The following RUNX1 variants were observed in gnomAD, a reference collection of about 807,000 sequenced individuals.
RUNX1 encodes runt-related transcription factor 1.
In RUNX1, 19 loss-of-function variants were observed where a neutral mutation model predicts 42.8. The observed-to-expected ratio is 0.44, with a 90% CI of 0.31 to 0.65. RUNX1 has a LOEUF of 0.65. Ranked by LOEUF, RUNX1 falls within the 30% of genes least tolerant of loss-of-function variation. The pLI, the probability that RUNX1 is intolerant of heterozygous loss-of-function variation, is 0.07. For missense variants in RUNX1, 528 were observed against 672.0 expected (o/e 0.79, Z 2.37); for synonymous variants, 271 against 289.4 (o/e 0.94, Z 0.64).
intron 2 of RUNX1, among the ~76,000 whole-genome samples, chr21:34,967,122 C>A (rs2058724631): frequency 6.6e-6 from 1 of 151,372 alleles, no homozygotes; most frequent in Non-Finnish European, 1.5e-5. Flanking sequence ...AGATCGAGAC[C>A]AGCCTGGCCA....
At chr21:34,981,272 CCTGGGACACACACTTAATTCTG>C (rs2058844477) in intron 2 of RUNX1, among the ~76,000 whole-genome samples, 1 of 152,150 alleles carries the variant, frequency 6.6e-6, no homozygotes, top group African/African-American at 2.4e-5. Flanking sequence ...ACCATGGAAA[CCTGGGACACACACTTAATTCTG>C]CTGGTGACAG....
At chr21:34,800,872 T>C (rs1041313602) in intron 7 of RUNX1, among the ~76,000 whole-genome samples, 2 of 152,202 alleles carry the variant, frequency 1.3e-5, no homozygotes, top group Non-Finnish European at 2.9e-5. Flanking sequence ...CTTGGAATCT[T>C]TGAAATCTAA....
chr21:34,866,157 G>C (rs1050538134), intron 5 of RUNX1, among the ~76,000 whole-genome samples: 1 of 152,204 alleles, frequency 6.6e-6, no homozygotes, highest in Non-Finnish European at 1.5e-5. Flanking sequence ...GTCACGCAAA[G>C]GAAGGCTGCA....
At chr21:34,866,070 T>G (rs1317313747) in intron 5 of RUNX1, among the ~76,000 whole-genome samples, 1 of 152,192 alleles carries the variant, frequency 6.6e-6, no homozygotes, top group Non-Finnish European at 1.5e-5. Context: ...CCTGTCACTC[T>G]CCTTAGTGTA....
intron 2 of RUNX1, among the ~76,000 whole-genome samples, chr21:34,940,086 G>GT (rs949141949): frequency 2.2e-4 from 33 of 152,260 alleles, no homozygotes; most frequent in African/African-American, 7.9e-4. Flanking sequence ...AATCATGTTA[G>GT]TTTTTTCTGG....
chr21:34,863,917 C>T (rs1335267882), intron 5 of RUNX1, among the ~76,000 whole-genome samples: 2 of 152,186 alleles, frequency 1.3e-5, no homozygotes, highest in Admixed American at 1.3e-4. Context: ...TCACAAAGGG[C>T]TCTTGTTTAC....
chr21:35,045,465 C>T (rs566361425), intron 2 of RUNX1, among the ~76,000 whole-genome samples: 13 of 152,206 alleles, frequency 8.5e-5, no homozygotes, highest in South Asian at 4.2e-4. Flanking sequence ...TTTAAAATGA[C>T]GTCATTAGGC....
rs1569108285 is a variant in RUNX1 at position 34,926,487 on chromosome 21, AC to A, written c.59-33525del. Among the ~76,000 whole-genome samples the A allele has an allele frequency of 6.4e-4, 42 of 65,748 alleles. 12 individuals carry two copies. The highest frequency in any genetic ancestry group is 1.0e-3 in the Non-Finnish European group (29 of 28,420). The allele number at this position is 65,748 out of a possible 152,430, so 43.1% of individuals were successfully genotyped here. A position where few individuals can be genotyped will look rare whatever the true frequency, so the allele number is the denominator to read the frequency against. On this transcript the variant is annotated intron_variant, in intron 2 of 8. Coordinates refer to ENST00000675419, the MANE Select transcript of RUNX1 (RefSeq NM_001754.5). Reference sequence around the variant, plus strand: ...AAAAAAAAAAAAAAAAAAAAAAAAGACAGCACATATTTATTATTGACTAAAT... The same window carrying A: ...AAAAAAAAAAAAAAAAAAAAAAAAGAAGCACATATTTATTATTGACTAAAT...
intron 2 of RUNX1, among the ~76,000 whole-genome samples, chr21:34,969,214 C>T (rs766247140): frequency 7.9e-5 from 12 of 152,068 alleles, no homozygotes; most frequent in Admixed American, 3.9e-4. Flanking sequence ...AAACCTGCCA[C>T]GACTTTGGTG....
intron 2 of RUNX1, among the ~76,000 whole-genome samples, chr21:34,912,303 A>G (rs1780212682): frequency 6.6e-6 from 1 of 150,840 alleles, no homozygotes; most frequent in African/African-American, 2.4e-5. Flanking sequence ...TTACTCTTCT[A>G]TCACTGGGTG....
At chr21:34,964,271 TA>T in intron 2 of RUNX1, among the ~76,000 whole-genome samples, 1 of 151,928 alleles carries the variant, frequency 6.6e-6, no homozygotes, top group East Asian at 1.9e-4. Context: ...AGCAGATTAC[TA>T]GGTCAGGAGA....
Position 34,843,679 on chromosome 21 carries a change from G to C in RUNX1, c.614-9078C>G, listed in dbSNP as rs2268280. On this transcript the variant is annotated intron_variant, in intron 6 of 8. Coordinates refer to ENST00000675419, the MANE Select transcript of RUNX1 (RefSeq NM_001754.5). This position sits in a 1 kb window ranked among gnomAD's most constrained non-coding sequence, Gnocchi z 4.8. The stretch of plus-strand genomic sequence containing the variant: ...ACGCACACAGGCCTGCCCCTCCCCA[G>C]CCCCCCTGCACCATGCGCCCAAGAC... 0.21 allele frequency among the ~76,000 whole-genome samples: 30,785 copies of C among 150,098 alleles called. 3,512 individuals are homozygous for C. Among genetic ancestry groups the C allele is most frequent in the East Asian group, 0.46 (2,252 of 4,910 alleles).
intron 2 of RUNX1, among the ~76,000 whole-genome samples, chr21:35,023,728 G>A (rs575899659): frequency 6.6e-6 from 1 of 152,248 alleles, no homozygotes; most frequent in South Asian, 2.1e-4. Context: ...TGAAAGGGGG[G>A]CACAGGAATC....
intron 7 of RUNX1, among the ~76,000 whole-genome samples, chr21:34,825,491 C>T (rs891831311): frequency 1.3e-5 from 2 of 152,106 alleles, no homozygotes; most frequent in Admixed American, 6.6e-5. Flanking sequence ...TATGATGTTG[C>T]GTTCAAACAA....
At chr21:34,827,737 A>T (rs1251224222) in intron 7 of RUNX1, among the ~76,000 whole-genome samples, 1 of 152,174 alleles carries the variant, frequency 6.6e-6, no homozygotes, top group East Asian at 1.9e-4. Flanking sequence ...AGGTATACCT[A>T]GGCTGCCATT....
chr21:34,795,924 ACT>A (rs368822818), intron 8 of RUNX1, among the ~76,000 whole-genome samples: 1 of 152,276 alleles, frequency 6.6e-6, no homozygotes, highest in African/African-American at 2.4e-5. Context: ...CAAATAAATG[ACT>A]CTGCCCATTA....
At chr21:35,041,894 T>G (rs2059362512) in intron 2 of RUNX1, among the ~76,000 whole-genome samples, 1 of 152,194 alleles carries the variant, frequency 6.6e-6, no homozygotes, top group Non-Finnish European at 1.5e-5. Context: ...GAAGGGCCAT[T>G]TGAAAGAAGG....
intron 5 of RUNX1, among the ~76,000 whole-genome samples, chr21:34,861,803 C>T (rs949900535): frequency 6.6e-6 from 1 of 152,168 alleles, no homozygotes; most frequent in African/African-American, 2.4e-5. Flanking sequence ...TTCCAGGCAG[C>T]CTTCCTTGAT....
At chr21:34,932,187 T>C (rs1299271702) in intron 2 of RUNX1, among the ~76,000 whole-genome samples, 1 of 152,194 alleles carries the variant, frequency 6.6e-6, no homozygotes, top group African/African-American at 2.4e-5. Flanking sequence ...TCTTTTTATC[T>C]GTTTTCATGT....
Sources: gnomAD v4.1 joint callset for allele counts (sites outside exome capture counted in the v4.1 genomes callset) on GRCh38, gnomAD v4.1.1 for gene constraint, Gnocchi (gnomAD v3.1) non-coding constraint, MANE v1.5 for transcripts, NCBI Gene and HGNC (gene_info 2026-07-23, HGNC 2026-07-21) for gene names.